Variants in AFG2A observed in about 807,000 individuals in gnomAD.
The protein encoded by AFG2A is ATPase family gene 2 protein homolog A.
At chr4:123,213,243 A>G in the AFG2A span, among the ~76,000 whole-genome samples, 87,089 of 151,956 alleles carry the variant, frequency 0.57, 27,395 homozygotes, top group Non-Finnish European at 0.69. Flanking sequence ...AAGCTAAACC[A>G]TGCTAACAAT....
chr4:123,137,235 C>A, the AFG2A span, among the ~76,000 whole-genome samples: 1 of 152,110 alleles, frequency 6.6e-6, no homozygotes, highest in Non-Finnish European at 1.5e-5. Flanking sequence ...GTTGATGACC[C>A]CTGATTTAGG....
the AFG2A span, among the ~76,000 whole-genome samples, chr4:123,009,699 C>T: frequency 6.6e-6 from 1 of 152,062 alleles, no homozygotes; most frequent in African/African-American, 2.4e-5. Context: ...TAGAATGCTT[C>T]TCAATTTGAG....
chr4:123,022,856 T>C, the AFG2A span, among the ~76,000 whole-genome samples: 2 of 151,908 alleles, frequency 1.3e-5, no homozygotes, highest in African/African-American at 4.8e-5. Flanking sequence ...TATGCAGCCA[T>C]AAAAAATGAT....
At chr4:122,941,429 C>T in the AFG2A span, among the ~76,000 whole-genome samples, 2 of 152,154 alleles carry the variant, frequency 1.3e-5, no homozygotes, top group East Asian at 3.8e-4. Flanking sequence ...ATTTGGCTCT[C>T]TGTTTGTCTG....
chr4:123,029,008 A>G, the AFG2A span, among the ~76,000 whole-genome samples: 1 of 152,240 alleles, frequency 6.6e-6, no homozygotes, highest in Admixed American at 6.5e-5. Flanking sequence ...TAATCCACAC[A>G]TATAAAACTG....
the AFG2A span, among the ~76,000 whole-genome samples, chr4:122,950,721 C>A: frequency 1.3e-5 from 2 of 152,198 alleles, no homozygotes; most frequent in Non-Finnish European, 2.9e-5. Context: ...CTGGGTTATG[C>A]TCGTTGTAGC....
the AFG2A span, among the ~76,000 whole-genome samples, chr4:122,951,521 A>G: frequency 1.3e-5 from 2 of 152,096 alleles, no homozygotes. Context: ...ATATTTATTG[A>G]TATATCGTGC....
the AFG2A span, among the ~76,000 whole-genome samples, chr4:123,038,048 T>C: frequency 0.031 from 4,668 of 152,184 alleles, 147 homozygotes; most frequent in East Asian, 0.15. Flanking sequence ...TAACATTCTA[T>C]GAGTAGGTCA....
the AFG2A span, among the ~76,000 whole-genome samples, chr4:123,066,892 T>C: frequency 3.3e-4 from 50 of 152,292 alleles, no homozygotes; most frequent in Middle Eastern, 3.4e-3. Context: ...TAGTTTTATG[T>C]GGTATGAGAG....
At chr4:123,105,362 C>T in the AFG2A span, among the ~76,000 whole-genome samples, 295 of 152,266 alleles carry the variant, frequency 1.9e-3, 2 homozygotes, top group Middle Eastern at 6.8e-3. Context: ...TGACAATGCA[C>T]ATGGTTACTC....
At chr4:122,993,013 TCTCA>T in the AFG2A span, among the ~76,000 whole-genome samples, 6 of 149,410 alleles carry the variant, frequency 4.0e-5, no homozygotes, top group African/African-American at 1.3e-4. Flanking sequence ...AGAGATGGAG[TCTCA>T]CTCTGTCGCC....
At chr4:123,225,522 G>C in the AFG2A span, among the ~76,000 whole-genome samples, 2 of 152,136 alleles carry the variant, frequency 1.3e-5, no homozygotes, top group Non-Finnish European at 2.9e-5. Flanking sequence ...GATAGTTATA[G>C]ATATGTGGCA....
chr4:123,056,539 C>T, the AFG2A span: 58 of 918,224 alleles, frequency 6.3e-5, no homozygotes, highest in African/African-American at 7.3e-4. Flanking sequence ...TTGGCATTTC[C>T]GAAGTCAGAT....
At chr4:123,101,281 T>C in the AFG2A span, among the ~76,000 whole-genome samples, 3 of 151,872 alleles carry the variant, frequency 2.0e-5, no homozygotes, top group Non-Finnish European at 4.4e-5. Flanking sequence ...ATGGTTGAGA[T>C]TATTTATGGA....
chr4:123,073,557 TAGAA>T, the AFG2A span, among the ~76,000 whole-genome samples: 1 of 152,186 alleles, frequency 6.6e-6, no homozygotes, highest in Admixed American at 6.5e-5. Flanking sequence ...GGAGTATTTT[TAGAA>T]AGAATCTCTT....
the AFG2A span, among the ~76,000 whole-genome samples, chr4:123,160,994 G>T: frequency 5.3e-5 from 8 of 152,208 alleles, no homozygotes; most frequent in Admixed American, 5.2e-4. Context: ...TATACTCACC[G>T]ATTTTCAGAC....
the AFG2A span, among the ~76,000 whole-genome samples, chr4:123,273,913 G>A: frequency 1.6e-4 from 24 of 152,212 alleles, no homozygotes; most frequent in Middle Eastern, 6.8e-3. Flanking sequence ...CCTGTACTGA[G>A]GTGACAGGTA....
At chr4:123,119,363 C>T in the AFG2A span, among the ~76,000 whole-genome samples, 1 of 152,088 alleles carries the variant, frequency 6.6e-6, no homozygotes, top group Admixed American at 6.6e-5. Flanking sequence ...GCACCCAAAA[C>T]AAGAAAGCAA....
At chr4:123,141,592 G>GC in the AFG2A span, among the ~76,000 whole-genome samples, 1 of 152,224 alleles carries the variant, frequency 6.6e-6, no homozygotes, top group Non-Finnish European at 1.5e-5. Flanking sequence ...GCTGGGCTAA[G>GC]CTATGATGTT....
Sources: gnomAD v4.1 joint callset for allele counts (sites outside exome capture counted in the v4.1 genomes callset) on GRCh38, gnomAD v4.1.1 for gene constraint, MANE v1.5 for transcripts, NCBI Gene and HGNC (gene_info 2026-07-23, HGNC 2026-07-21) for gene names.